Variants in OSBPL6 observed in about 807,000 individuals in gnomAD.
OSBPL6 encodes oxysterol binding protein like 6.
Under a neutral mutation model 125.8 loss-of-function variants are expected in OSBPL6, and 49 were observed. The observed-to-expected ratio is 0.39, with a 90% CI of 0.31 to 0.49. OSBPL6 has a LOEUF of 0.49. OSBPL6 is among the 20% of genes least tolerant of loss of function. OSBPL6 has a pLI of 0.88. For missense variants in OSBPL6, 986 were observed against 1,135.4 expected (o/e 0.87, Z 1.89); for synonymous variants, 394 against 391.8 (o/e 1.01, Z -0.07).
At chr2:178,368,176 T>C (rs1471086933) in intron 13 of OSBPL6, among the ~76,000 whole-genome samples, 2 of 152,168 alleles carry the variant, frequency 1.3e-5, no homozygotes, top group Non-Finnish European at 1.5e-5. Flanking sequence ...AAATAATAAA[T>C]GTAGACCTAA....
At chr2:178,395,405 A>G in intron 24 of OSBPL6, 46 bp from the exon 25 acceptor site, 1 of 1,400,506 alleles carries the variant, frequency 7.1e-7, no homozygotes. Context: ...ATTTAAGGTT[A>G]CCTTGATGTG....
intron 2 of OSBPL6, among the ~76,000 whole-genome samples, chr2:178,298,315 G>T (rs1685944894): frequency 6.6e-6 from 1 of 152,164 alleles, no homozygotes; most frequent in Admixed American, 6.5e-5. Context: ...CCGCATTTTG[G>T]CTACATGCTG....
chr2:178,195,501 T>G (rs2088834131), intron 1 of OSBPL6, among the ~76,000 whole-genome samples: 1 of 152,246 alleles, frequency 6.6e-6, no homozygotes, highest in Non-Finnish European at 1.5e-5. Flanking sequence ...TCCCCAAAGC[T>G]TCTGCTGCGT....
At chr2:178,229,903 C>T (rs2090746326) in intron 1 of OSBPL6, among the ~76,000 whole-genome samples, 1 of 152,192 alleles carries the variant, frequency 6.6e-6, no homozygotes, top group African/African-American at 2.4e-5. Flanking sequence ...TGGGCCCAGT[C>T]ATCTGAGTTA....
intron 1 of OSBPL6, among the ~76,000 whole-genome samples, chr2:178,212,812 ATT>A (rs11351848): frequency 4.2e-4 from 62 of 147,176 alleles, no homozygotes; most frequent in African/African-American, 7.5e-4. Context: ...CCTCTTGATA[ATT>A]TTTTTTTTTT....
intron 23 of OSBPL6, 36 bp from the exon 24 acceptor site, chr2:178,394,277 G>A (rs987043124): frequency 5.6e-6 from 9 of 1,600,224 alleles, no homozygotes; most frequent in Admixed American, 1.8e-5. Flanking sequence ...CAGAAAAGAG[G>A]ATAATATGTT....
At chr2:178,303,950 G>A (rs553678689) in intron 2 of OSBPL6, among the ~76,000 whole-genome samples, 4 of 152,134 alleles carry the variant, frequency 2.6e-5, no homozygotes, top group African/African-American at 4.8e-5. Flanking sequence ...GTTACGTCTC[G>A]ATGGCTTCTC....
At chr2:178,264,804 T>C (rs1428827827) in intron 1 of OSBPL6, among the ~76,000 whole-genome samples, 2 of 152,104 alleles carry the variant, frequency 1.3e-5, no homozygotes, top group African/African-American at 4.8e-5. Flanking sequence ...TTTGTACTAA[T>C]TGTTATCTTA....
intron 1 of OSBPL6, among the ~76,000 whole-genome samples, chr2:178,222,694 A>G (rs2090394612): frequency 6.6e-6 from 1 of 152,186 alleles, no homozygotes; most frequent in Admixed American, 6.5e-5. Flanking sequence ...ATAAAAATTA[A>G]TTGTAAGTCC....
intron 2 of OSBPL6, among the ~76,000 whole-genome samples, chr2:178,290,145 C>A (rs574884563): frequency 1.3e-5 from 2 of 152,194 alleles, no homozygotes; most frequent in Non-Finnish European, 2.9e-5. Context: ...CCCACCCCAT[C>A]CTATTATTCC....
chr2:178,283,577 CTT>C (rs1684422375), intron 1 of OSBPL6, among the ~76,000 whole-genome samples: 1 of 146,688 alleles, frequency 6.8e-6, no homozygotes, highest in Non-Finnish European at 1.5e-5. Context: ...ACATTTTTCT[CTT>C]ATCTTATGAT....
chr2:178,264,305 A>G (rs979617425), intron 1 of OSBPL6, among the ~76,000 whole-genome samples: 21 of 152,162 alleles, frequency 1.4e-4, no homozygotes, highest in Non-Finnish European at 2.2e-4. Context: ...ATTTCCTTTA[A>G]AGACCTTATA....
In OSBPL6 at chr2:178,205,099, T is replaced by C. The variant is rs75757394; in HGVS notation, c.-351+10425T>C. Among the ~76,000 whole-genome samples the C allele has an allele frequency of 5.5e-3, 841 of 152,268 alleles. 8 individuals are homozygous for C. The highest frequency in any genetic ancestry group is 0.019 in the African/African-American group (804 of 41,550). ...TGCCAAGCTCCTGCAGTTTGTAAAT[T>C]GTATAATCAGATTTCAAACCCAGTT... On this transcript the variant is annotated intron_variant, in intron 1 of 24. Coordinates refer to ENST00000190611, the MANE Select transcript of OSBPL6 (RefSeq NM_032523.4).
intron 1 of OSBPL6, among the ~76,000 whole-genome samples, chr2:178,227,527 A>G (rs1383947649): frequency 6.6e-6 from 1 of 152,212 alleles, no homozygotes; most frequent in Non-Finnish European, 1.5e-5. Context: ...CTGTACATAT[A>G]AAAAACTTGG....
intron 15 of OSBPL6, among the ~76,000 whole-genome samples, chr2:178,380,345 G>A (rs1694344972): frequency 6.6e-6 from 1 of 151,118 alleles, no homozygotes; most frequent in Admixed American, 6.6e-5. Context: ...CAGCTACTTG[G>A]GAGGCTGAGG....
At chr2:178,241,691 T>C (rs1417237480) in intron 1 of OSBPL6, among the ~76,000 whole-genome samples, 1 of 152,092 alleles carries the variant, frequency 6.6e-6, no homozygotes, top group African/African-American at 2.4e-5. Flanking sequence ...GCTAGGATTA[T>C]AGGCGTGAGC....
intron 1 of OSBPL6, among the ~76,000 whole-genome samples, chr2:178,239,970 C>A (rs142518335): frequency 1.3e-5 from 2 of 152,192 alleles, no homozygotes; most frequent in African/African-American, 4.8e-5. Context: ...TACTTTGTTA[C>A]ACACAAATTT....
intron 1 of OSBPL6, among the ~76,000 whole-genome samples, chr2:178,235,845 A>G (rs1202965403): frequency 6.6e-6 from 1 of 152,204 alleles, no homozygotes; most frequent in Non-Finnish European, 1.5e-5. Flanking sequence ...ATAAAGAACT[A>G]TTCCTTGGGT....
rs1248107392 is a variant in OSBPL6, at chr2:178,395,456, T to C, written c.2702T>C (p.Val901Ala). Residue 901 changes from valine (V) to alanine (A), a missense_variant, in exon 25 of 25, where the codon GTT becomes GCT. By Grantham distance (64) the Val-to-Ala change is moderately conservative (BLOSUM62 0). Coordinates refer to ENST00000190611, the MANE Select transcript of OSBPL6 (RefSeq NM_032523.4). ...TGATGTTTATATTTTCACAGAAAAGTTATTGATGCCAATCAAAGAGAAGCC... is the reference window on the plus strand; with the variant it reads ...TGATGTTTATATTTTCACAGAAAAGCTATTGATGCCAATCAAAGAGAAGCC... ...LEHIPKFFKKVIDANQREAWV... is the reference protein window; with the variant it reads ...LEHIPKFFKKAIDANQREAWV... 6.2e-7 allele frequency: 1 copy of C among 1,612,310 alleles called. No individual in the cohort carries two copies. The highest frequency in any genetic ancestry group is 8.5e-7 in the Non-Finnish European group (1 of 1,178,826).
Sources: allele counts gnomAD v4.1 joint callset (sites outside exome capture counted in the v4.1 genomes callset), GRCh38; gene constraint gnomAD v4.1.1; transcripts MANE v1.5; gene names NCBI Gene and HGNC (gene_info 2026-07-23, HGNC 2026-07-21).